DACH2: variants seen among roughly 807,000 people sequenced by gnomAD.
DACH2 encodes the protein dachshund homolog 2.
DACH2 carries 17 observed loss-of-function variants against 35.8 expected under a neutral mutation model. That is an observed-to-expected ratio of 0.48 (90% confidence interval 0.33 to 0.71). DACH2 has a LOEUF of 0.71. DACH2 is among the 30% of genes least tolerant of loss of function. DACH2 has a pLI of 0.02. For missense variants in DACH2, 469 were observed against 472.7 expected (o/e 0.99, Z 0.07); for synonymous variants, 195 against 177.3 (o/e 1.10, Z -0.79).
chrX:86,196,342 A>G (rs1036622761), intron 1 of DACH2, among the ~76,000 whole-genome samples: 1 of 111,386 alleles, frequency 9.0e-6, no homozygotes, highest in African/African-American at 3.3e-5. Context: ...TCTCAGAGCT[A>G]TAAGATTGGC....
chrX:86,451,015 A>G lies in DACH2; in HGVS notation c.528-63264A>G, dbSNP rs746429125. Among the ~76,000 whole-genome samples the G allele has an allele frequency of 4.5e-5, 5 of 111,530 alleles. No individual in the cohort carries two copies. The East Asian group carries it at 1.4e-3, about 32-fold the overall frequency. ...TTGCAAACATTTTCTCTCATTCTGT[A>G]GATTGTCTGTTCACTCATGATAGTT... is the stretch of plus-strand genomic sequence containing the variant. On this transcript the variant is annotated intron_variant, in intron 2 of 11. Transcript: ENST00000373125.
At chrX:86,723,404 T>C (rs1473638425) in intron 6 of DACH2, among the ~76,000 whole-genome samples, 3 of 109,748 alleles carry the variant, frequency 2.7e-5, no homozygotes, top group African/African-American at 9.9e-5. Flanking sequence ...ATTTGTAAGC[T>C]TTCTACATGT....
chrX:86,172,103 G>C (rs903046973), intron 1 of DACH2, among the ~76,000 whole-genome samples: 2 of 112,036 alleles, frequency 1.8e-5, no homozygotes, highest in African/African-American at 6.5e-5. Context: ...TTGTAATTAA[G>C]TAAAGTTTAA....
chrX:86,415,615 C>G (rs2036690748), intron 2 of DACH2, among the ~76,000 whole-genome samples: 1 of 111,302 alleles, frequency 9.0e-6, no homozygotes, highest in Non-Finnish European at 1.9e-5. Context: ...CCCCTTCATT[C>G]TTGGTACTGC....
At chrX:86,278,649 T>A (rs1357575660) in intron 1 of DACH2, among the ~76,000 whole-genome samples, 1 of 111,519 alleles carries the variant, frequency 9.0e-6, no homozygotes, top group Non-Finnish European at 1.9e-5. Flanking sequence ...ACTTTTGGAG[T>A]TTCTTTTATA....
intron 2 of DACH2, among the ~76,000 whole-genome samples, chrX:86,439,531 G>A (rs1333531561): frequency 9.0e-6 from 1 of 111,087 alleles, no homozygotes; most frequent in African/African-American, 3.3e-5. Context: ...ATAGCTTTTG[G>A]TCTCACGTTT....
intron 7 of DACH2, among the ~76,000 whole-genome samples, chrX:86,758,016 A>G (rs2041845669): frequency 9.0e-6 from 1 of 110,533 alleles, no homozygotes; most frequent in South Asian, 3.7e-4. Flanking sequence ...AAATTTTTCT[A>G]TTTTCTCTAG....
chrX:86,787,717 G>A (rs1016912335), intron 7 of DACH2, among the ~76,000 whole-genome samples: 4 of 110,503 alleles, frequency 3.6e-5, no homozygotes, highest in African/African-American at 1.3e-4. Context: ...CATAAATAGG[G>A]TTTTTTACTC....
chrX:86,392,025 G>A (rs755276143), intron 2 of DACH2, among the ~76,000 whole-genome samples: 1 of 110,072 alleles, frequency 9.1e-6, no homozygotes, highest in African/African-American at 3.3e-5. Flanking sequence ...GCAGAACGGG[G>A]GCAGGTTTGT....
intron 1 of DACH2, among the ~76,000 whole-genome samples, chrX:86,285,596 T>A (rs1428983849): frequency 1.8e-5 from 2 of 112,198 alleles, no homozygotes; most frequent in Non-Finnish European, 3.8e-5. Context: ...GTCTTTTTTT[T>A]ACAATGATCC....
intron 7 of DACH2, among the ~76,000 whole-genome samples, chrX:86,761,193 C>T (rs2041877740): frequency 9.0e-6 from 1 of 110,632 alleles, no homozygotes; most frequent in African/African-American, 3.3e-5. Context: ...TCTCCCTCCC[C>T]TTTCCCCCCA....
intron 1 of DACH2, among the ~76,000 whole-genome samples, chrX:86,332,482 T>A (rs186687643): frequency 3.6e-5 from 4 of 111,974 alleles, no homozygotes; most frequent in African/African-American, 6.5e-5. Context: ...TGAACTCAAC[T>A]TCTTAATGAA....
intron 7 of DACH2, among the ~76,000 whole-genome samples, chrX:86,749,707 A>G (rs1417485057): frequency 1.8e-5 from 2 of 111,514 alleles, no homozygotes; most frequent in African/African-American, 6.5e-5. Context: ...AACAAGTGCT[A>G]TTGGAAAAAT....
intron 5 of DACH2, among the ~76,000 whole-genome samples, chrX:86,710,015 A>G (rs2041260828): frequency 8.9e-6 from 1 of 112,007 alleles, no homozygotes; most frequent in African/African-American, 3.2e-5. Context: ...ATAGTCCTGT[A>G]TTTATACAAA....
At chrX:86,682,072 C>G (rs1396094884) in intron 4 of DACH2, among the ~76,000 whole-genome samples, 1 of 111,451 alleles carries the variant, frequency 9.0e-6, no homozygotes, top group East Asian at 2.8e-4. Context: ...AAGAAAGTAG[C>G]TTTCCTATGC....
intron 3 of DACH2, among the ~76,000 whole-genome samples, chrX:86,638,160 G>A (rs755290215): frequency 8.9e-6 from 1 of 111,832 alleles, no homozygotes; most frequent in East Asian, 2.8e-4. Flanking sequence ...ATACACTGGG[G>A]AACGGACAGC....
At chrX:86,543,122 A>C (rs1198691956) in intron 3 of DACH2, among the ~76,000 whole-genome samples, 1 of 111,216 alleles carries the variant, frequency 9.0e-6, no homozygotes, top group Non-Finnish European at 1.9e-5. Context: ...CTTCAGACAG[A>C]AGGCATTGAG....
intron 1 of DACH2, among the ~76,000 whole-genome samples, chrX:86,310,809 C>T (rs925914107): frequency 9.0e-6 from 1 of 111,423 alleles, no homozygotes; most frequent in African/African-American, 3.3e-5. Flanking sequence ...TGTGAATGCT[C>T]ACCAACAGGT....
intron 10 of DACH2, 54 bp from the exon 11 acceptor site, chrX:86,815,980 A>G: frequency 9.9e-7 from 1 of 1,005,455 alleles, no homozygotes; most frequent in Non-Finnish European, 1.3e-6. Context: ...TTCCCTTTAA[A>G]TGGAATCAGG....
Sources: gnomAD v4.1 joint callset for allele counts (sites outside exome capture counted in the v4.1 genomes callset) on GRCh38, gnomAD v4.1.1 for gene constraint, MANE v1.5 for transcripts, NCBI Gene and HGNC (gene_info 2026-07-23, HGNC 2026-07-21) for gene names.